The following FADS2 variants were observed in gnomAD, a reference collection of about 807,000 sequenced individuals.
The protein encoded by FADS2 is acyl-CoA 6-desaturase.
A neutral mutation model predicts 61.2 loss-of-function variants in FADS2; 18 were observed. The ratio of observed to expected loss-of-function variants is 0.29; its 90% confidence interval spans 0.20 to 0.44. The LOEUF is 0.44. Ranked by LOEUF, FADS2 falls within the 20% of genes least tolerant of loss-of-function variation. The pLI is 1.00. For synonymous variants in FADS2, 203 were observed against 223.9 expected, an observed-to-expected ratio of 0.91 and a Z score of 0.83; for missense variants, 322 against 572.7, an observed-to-expected ratio of 0.56 and a Z score of 4.47.
At chr11:61,856,981 G>T in intron 5 of FADS2, 30 bp from the exon 6 acceptor site, 1 of 1,597,030 alleles carries the variant, frequency 6.3e-7, no homozygotes, top group South Asian at 1.1e-5. Context: ...TGAGGCTACT[G>T]GGTGCTCATG....
At chr11:61,856,823 G>A (rs1375476153) in intron 5 of FADS2, 188 bp from the exon 6 acceptor site, 2 of 605,876 alleles carry the variant, frequency 3.3e-6, no homozygotes, top group Non-Finnish European at 2.9e-6. Flanking sequence ...GCTGCTGGCT[G>A]TAGCATGGGG....
At chr11:61,837,108 T>C (rs922910811) in intron 1 of FADS2, among the ~76,000 whole-genome samples, 5 of 152,058 alleles carry the variant, frequency 3.3e-5, no homozygotes, top group Non-Finnish European at 5.9e-5. Flanking sequence ...TACTTTATAA[T>C]TGGGAAAAAA....
intron 1 of FADS2, among the ~76,000 whole-genome samples, chr11:61,819,298 A>T (rs924740363): frequency 1.3e-5 from 2 of 152,260 alleles, no homozygotes; most frequent in African/African-American, 4.8e-5. Context: ...TTTATAGGTC[A>T]GGCGGGGTGC....
chr11:61,831,876 C>A, intron 1 of FADS2, among the ~76,000 whole-genome samples: 1 of 152,134 alleles, frequency 6.6e-6, no homozygotes, highest in East Asian at 1.9e-4. Flanking sequence ...TTGCTGTGGG[C>A]AAAAGGAACC....
chr11:61,836,372 A>G (rs2067174687), intron 1 of FADS2, among the ~76,000 whole-genome samples: 1 of 151,432 alleles, frequency 6.6e-6, no homozygotes, highest in African/African-American at 2.4e-5. Flanking sequence ...TGCTGGGATT[A>G]CAGGCATGAG....
chr11:61,846,423 TC>T (rs370143593), intron 4 of FADS2, among the ~76,000 whole-genome samples: 18,013 of 140,036 alleles, frequency 0.13, 1,458 homozygotes, highest in Admixed American at 0.22. Context: ...TTTTTTTTTT[TC>T]TCTCTCTCTC....
At chr11:61,830,590 C>T (rs1035220552) in intron 1 of FADS2, among the ~76,000 whole-genome samples, 2 of 152,210 alleles carry the variant, frequency 1.3e-5, no homozygotes, top group African/African-American at 4.8e-5. Flanking sequence ...TTCTGTATAA[C>T]TTTCATGGAC....
At chr11:61,864,116 G>A (rs989324523) in intron 10 of FADS2, 5 of 292,116 alleles carry the variant, frequency 1.7e-5, no homozygotes, top group Non-Finnish European at 2.5e-5. Context: ...GCAGGGCTAC[G>A]TAGCTTGCCT....
At chr11:61,823,344 A>AC (rs1287637745), upstream of FADS2, among the ~76,000 whole-genome samples, 62 of 152,178 alleles carry the variant, frequency 4.1e-4, no homozygotes, top group Non-Finnish European at 1.0e-4. Flanking sequence ...TAGTCCACCT[A>AC]CTGCTGTGTA....
At position 61,840,369 on chromosome 11, in the gene FADS2, G is replaced by A. The variant is rs569278031; in HGVS notation, c.354G>A (p.Lys118=). The A allele has an allele frequency of 1.2e-5, 19 of 1,614,224 alleles. No homozygotes were observed. The highest frequency in any genetic ancestry group is 3.3e-4 in the Middle Eastern group (2 of 6,060). The stretch of plus-strand genomic sequence containing the variant: ...CTGAGGACTTCCGGGCCCTGAGGAA[G>A]ACGGCTGAGGACATGAACCTGTTCA... The part of the protein sequence containing the change: ...KITEDFRALR[K]TAEDMNLFKT... Residue 118 remains lysine (K), a synonymous_variant, in exon 3 of 12, where the codon AAG becomes AAA. Transcript: ENST00000278840.
chr11:61,824,472 G>A (rs1368065929), upstream of FADS2, among the ~76,000 whole-genome samples: 26 of 6,958 alleles, frequency 3.7e-3, no homozygotes, highest in South Asian at 0.05. Flanking sequence ...GAGAGAGAGA[G>A]AGAGAGAGAG....
chr11:61,862,466 G>A (rs559113350), intron 7 of FADS2: 7 of 169,332 alleles, frequency 4.1e-5, no homozygotes, highest in Non-Finnish European at 8.8e-5. Flanking sequence ...ACAGTGGGGC[G>A]TGGGGAGGCC....
At chr11:61,857,225 TCAGCCTGTGTTA>T (rs1440416653) in intron 6 of FADS2, among the ~76,000 whole-genome samples, 154 bp downstream of exon 6, 1 of 152,112 alleles carries the variant, frequency 6.6e-6, no homozygotes, top group Non-Finnish European at 1.5e-5. Context: ...TGCAGACCCC[TCAGCCTGTGTTA>T]CAGGCCTGAT....
chr11:61,841,194 G>A (rs2067214421), intron 4 of FADS2, among the ~76,000 whole-genome samples: 1 of 151,800 alleles, frequency 6.6e-6, no homozygotes. Context: ...TGGGATTACA[G>A]GCACTCGCCA....
In FADS2 at chr11:61,828,385, G is replaced by A; in HGVS notation, c.-6G>A. ...AGTGCACGGGGCGTCACAGTCGGCA[G>A]GCAGCATGGGGAAGGGAGGGAACCA... On this transcript the variant is annotated 5_prime_UTR_variant, in exon 1 of 12. Transcript: ENST00000278840. This position sits in a 1 kb window ranked among gnomAD's most constrained non-coding sequence, Gnocchi z 6.4. The A allele has an allele frequency of 6.4e-7, 1 of 1,557,010 alleles. No individual in the cohort carries two copies. The highest frequency in any genetic ancestry group is 8.7e-7 in the Non-Finnish European group (1 of 1,150,908).
At chr11:61,862,374 T>TTAA in intron 7 of FADS2, 1 of 154,302 alleles carries the variant, frequency 6.5e-6, no homozygotes, top group Non-Finnish European at 1.4e-5. Flanking sequence ...TCCCAGTACA[T>TTAA]GAGAGAAGAC....
upstream of FADS2, among the ~76,000 whole-genome samples, chr11:61,825,519 G>T (rs11230802): frequency 4.1e-3 from 617 of 151,990 alleles, 19 homozygotes; most frequent in East Asian, 0.1. Context: ...TCAGGAGGCT[G>T]AGGCAGTAGA....
chr11:61,863,660 C>T, intron 9 of FADS2, 47 bp from the exon 10 acceptor site: 1 of 1,538,276 alleles, frequency 6.5e-7, no homozygotes, highest in Non-Finnish European at 9.0e-7. Context: ...GAGGCCGGGC[C>T]CTTGGGCCTT....
chr11:61,838,870 C>T lies in FADS2; in HGVS notation c.318+982C>T, dbSNP rs1041873489. On this transcript the variant is annotated intron_variant, in intron 2 of 11. Transcript: ENST00000278840. ...GGCCTGCGGCTTCCCCAGCTCTGCT[C>T]GTCCTGCCCTGTAGCTCCCTTGTCC... is the stretch of plus-strand genomic sequence containing the variant. Among the ~76,000 whole-genome samples, 10 of 152,150 alleles carry T rather than the reference C, an allele frequency of 6.6e-5. No individual in the cohort carries two copies. The South Asian group carries it at 8.3e-4, about 13-fold the overall frequency.
Sources: gnomAD v4.1 joint callset for allele counts (sites outside exome capture counted in the v4.1 genomes callset) on GRCh38, gnomAD v4.1.1 for gene constraint, Gnocchi (gnomAD v3.1) non-coding constraint, MANE v1.5 for transcripts, NCBI Gene and HGNC (gene_info 2026-07-23, HGNC 2026-07-21) for gene names.